THSD7B: variants seen among roughly 807,000 people sequenced by gnomAD.
THSD7B encodes thrombospondin type-1 domain-containing protein 7B.
In THSD7B, 138 loss-of-function variants were observed where a neutral mutation model predicts 213.6. That is an observed-to-expected ratio of 0.65 (90% confidence interval 0.56 to 0.74). The LOEUF (loss-of-function observed/expected upper bound fraction) is 0.74, where lower values mean the gene tolerates loss of function less well. THSD7B is among the 30% of genes least tolerant of loss of function. The pLI is 0.00. For missense variants in THSD7B, 1,931 were observed against 1,991.5 expected, an observed-to-expected ratio of 0.97 and a Z score of 0.58; for synonymous variants, 742 against 687.0, an observed-to-expected ratio of 1.08 and a Z score of -1.25.
chr2:137,515,316 C>T (rs576621165), intron 15 of THSD7B, among the ~76,000 whole-genome samples: 1 of 152,292 alleles, frequency 6.6e-6, no homozygotes, highest in South Asian at 2.1e-4. Flanking sequence ...CGCCTTTCCA[C>T]CTTTGTCTGA....
chr2:137,644,233 A>G (rs1346748730), intron 21 of THSD7B, among the ~76,000 whole-genome samples: 1 of 152,192 alleles, frequency 6.6e-6, no homozygotes, highest in African/African-American at 2.4e-5. Flanking sequence ...GTTCGCTGAC[A>G]CTTCTAGTTG....
At chr2:137,389,220 C>G (rs1685961162) in intron 12 of THSD7B, among the ~76,000 whole-genome samples, 1 of 61,704 alleles carries the variant, frequency 1.6e-5, no homozygotes, top group Non-Finnish European at 3.7e-5. Context: ...ATATATATGA[C>G]AAAATAATAT....
chr2:137,673,066 G>T (rs1421657229), intron 27 of THSD7B, among the ~76,000 whole-genome samples: 1 of 152,104 alleles, frequency 6.6e-6, no homozygotes, highest in Non-Finnish European at 1.5e-5. Context: ...ACCTCCAAAG[G>T]CTTGTCTCTC....
chr2:136,933,990 A>G (rs1684677288), intron 2 of THSD7B, among the ~76,000 whole-genome samples: 1 of 152,194 alleles, frequency 6.6e-6, no homozygotes. Flanking sequence ...GAGATATACC[A>G]ATTCAGAAAT....
intron 25 of THSD7B, among the ~76,000 whole-genome samples, chr2:137,662,374 C>T (rs907455327): frequency 3.3e-5 from 5 of 151,074 alleles, no homozygotes; most frequent in African/African-American, 4.9e-5. Flanking sequence ...TGAGCCACAG[C>T]GCCCGGCCAG....
intron 16 of THSD7B, among the ~76,000 whole-genome samples, chr2:137,571,115 C>T (rs977605317): frequency 1.3e-5 from 2 of 152,176 alleles, no homozygotes; most frequent in African/African-American, 4.8e-5. Flanking sequence ...AAGTCCCTAT[C>T]AGTCACTAAC....
At chr2:136,876,991 A>G (rs1218826165) in intron 1 of THSD7B, among the ~76,000 whole-genome samples, 2 of 151,836 alleles carry the variant, frequency 1.3e-5, no homozygotes, top group Non-Finnish European at 2.9e-5. Context: ...CTGGAGAGGC[A>G]GAGGAAGGGA....
Position 136,833,363 on chromosome 2 carries a change from C to CAA in THSD7B, c.-35-48759_-35-48758dup, listed in dbSNP as rs10639590. Among the ~76,000 whole-genome samples, 442 of 55,310 alleles carry CAA rather than the reference C, an allele frequency of 8.0e-3. 47 individuals are homozygous for CAA. The highest frequency in any genetic ancestry group is 0.06 in the East Asian group (79 of 1,320). The allele number at this position is 55,310 out of a possible 152,430, so 36.3% of individuals were successfully genotyped here. On this transcript the variant is annotated intron_variant, in intron 1 of 27. Transcript: ENST00000409968. ...TCGGCGAAAGAGCGAGACTCCGTCT[C>CAA]AAAAAAAAAAAAAAAAAAAAAAAGA...
At chr2:136,905,043 G>A (rs1684135451) in intron 2 of THSD7B, among the ~76,000 whole-genome samples, 1 of 152,150 alleles carries the variant, frequency 6.6e-6, no homozygotes, top group Non-Finnish European at 1.5e-5. Flanking sequence ...ACTGTGTAAT[G>A]CGATCCTCAT....
intron 3 of THSD7B, among the ~76,000 whole-genome samples, chr2:137,071,764 C>A (rs1041675751): frequency 6.6e-6 from 1 of 152,032 alleles, no homozygotes; most frequent in Non-Finnish European, 1.5e-5. Context: ...GTCTTTAATC[C>A]ATCTTGAATT....
intron 2 of THSD7B, chr2:136,990,801 C>A: frequency 9.9e-7 from 1 of 1,007,478 alleles, no homozygotes; most frequent in Non-Finnish European, 1.4e-6. Flanking sequence ...GGACACGCCA[C>A]AGTGCCTGGC....
chr2:136,824,923 A>C (rs1353428881), intron 1 of THSD7B, among the ~76,000 whole-genome samples: 1 of 152,176 alleles, frequency 6.6e-6, no homozygotes, highest in East Asian at 1.9e-4. Context: ...TCTATAACTC[A>C]ACTTGTTTTG....
intron 5 of THSD7B, among the ~76,000 whole-genome samples, chr2:137,141,121 C>A (rs1480146131): frequency 6.6e-6 from 1 of 152,026 alleles, no homozygotes; most frequent in Admixed American, 6.6e-5. Flanking sequence ...GGGAGAGAGG[C>A]AGGAGGGGAG....
At chr2:137,216,639 C>T (rs1358835715) in intron 7 of THSD7B, among the ~76,000 whole-genome samples, 2 of 152,114 alleles carry the variant, frequency 1.3e-5, no homozygotes, top group African/African-American at 4.8e-5. Flanking sequence ...TTGGCATGCT[C>T]GGCAAAGATC....
intron 7 of THSD7B, among the ~76,000 whole-genome samples, chr2:137,191,477 G>A (rs1680658698): frequency 1.3e-5 from 2 of 151,886 alleles, no homozygotes; most frequent in South Asian, 2.1e-4. Context: ...CAGCTGGCTG[G>A]GGAGCAGGGA....
intron 15 of THSD7B, among the ~76,000 whole-genome samples, chr2:137,531,805 C>T (rs559675317): frequency 6.6e-6 from 1 of 152,050 alleles, no homozygotes; most frequent in Admixed American, 6.6e-5. Flanking sequence ...GTATCTAATG[C>T]TTAATTAAGC....
At chr2:137,561,275 C>T (rs953885076) in intron 15 of THSD7B, among the ~76,000 whole-genome samples, 1 of 152,058 alleles carries the variant, frequency 6.6e-6, no homozygotes, top group Non-Finnish European at 1.5e-5. Context: ...TGCAACTAAA[C>T]AAACAGTTTT....
chr2:136,808,094 C>T (rs767341962), intron 1 of THSD7B, among the ~76,000 whole-genome samples: 4 of 152,238 alleles, frequency 2.6e-5, no homozygotes, highest in Non-Finnish European at 2.9e-5. Flanking sequence ...TTGCTGCCAT[C>T]TCCCACTCCA....
Position 137,393,735 on chromosome 2 carries a change from C to T in THSD7B, c.2501-11878C>T, listed in dbSNP as rs535338004. On this transcript the variant is annotated intron_variant, in intron 12 of 27. Coordinates refer to ENST00000409968, the MANE Select transcript of THSD7B (RefSeq NM_001316349.2). ...GCTCTAGATCCCTGAGGAATCACCA[C>T]ACTGACGTCCACAATGGTTGAACTA... Among the ~76,000 whole-genome samples, 6 of 141,130 alleles carry T rather than the reference C, an allele frequency of 4.3e-5. No individual in the cohort carries two copies. In the East Asian group the frequency reaches 1.2e-3, roughly 28 times the overall value. 92.6% of individuals were successfully genotyped at this position (141,130 alleles called of 152,430 possible).
Sources: allele counts gnomAD v4.1 joint callset (sites outside exome capture counted in the v4.1 genomes callset), GRCh38; gene constraint gnomAD v4.1.1; transcripts MANE v1.5; gene names NCBI Gene and HGNC (gene_info 2026-07-23, HGNC 2026-07-21).